Variants in INPP5B observed in about 807,000 individuals in gnomAD.
INPP5B encodes the protein inositol polyphosphate-5-phosphatase B.
In INPP5B, 90 loss-of-function variants were observed where a neutral mutation model predicts 118.5. The observed-to-expected ratio is 0.76, with a 90% confidence interval of 0.64 to 0.90. The LOEUF is 0.90. INPP5B is among the 40% of genes least tolerant of loss of function. The pLI, the probability that INPP5B is intolerant of heterozygous loss-of-function variation, is 0.00. For missense variants in INPP5B, 984 were observed against 1,125.6 expected (o/e 0.87, Z 1.80); for synonymous variants, 385 against 418.9 (o/e 0.92, Z 0.99).
intron 8 of INPP5B, among the ~76,000 whole-genome samples, chr1:37,891,020 A>G (rs1383983900): frequency 6.6e-6 from 1 of 152,106 alleles, no homozygotes; most frequent in East Asian, 1.9e-4. Flanking sequence ...TGAGGTCACA[A>G]GTTCGAGACC....
intron 23 of INPP5B, among the ~76,000 whole-genome samples, chr1:37,863,098 G>C (rs1641798256): frequency 6.6e-6 from 1 of 152,158 alleles, no homozygotes; most frequent in Non-Finnish European, 1.5e-5. Context: ...GGGCGTTGGA[G>C]GGTGTGGCCC....
chr1:37,880,146 C>A lies in INPP5B; in HGVS notation c.1480G>T (p.Gly494Cys). 1 of 1,612,062 alleles carries A rather than the reference C, an allele frequency of 6.2e-7. No homozygotes were observed. Among genetic ancestry groups the A allele is most frequent in the Non-Finnish European group, 8.5e-7 (1 of 1,178,564 alleles). ...TAAGTAGGCTGGAATGTGAGCTCACCCTCTGTGAAGCCTTCAAAGACAGTC... is the reference window on the plus strand; with the variant it reads ...TAAGTAGGCTGGAATGTGAGCTCACACTCTGTGAAGCCTTCAAAGACAGTC... ...AKTVFEGFTEGELTFQPTYKY... is the reference protein window; with the variant it reads ...AKTVFEGFTECELTFQPTYKY... Residue 494 changes from glycine to cysteine, a missense_variant, in exon 15 of 24, where the codon GGT becomes TGT. Gly to Cys is a radical substitution (Grantham distance 159). This residue lies in a region of INPP5B where 634 missense variants were observed against 791.0 expected (regional missense o/e 0.80). Coordinates refer to ENST00000373024, the MANE Select transcript of INPP5B (RefSeq NM_005540.3).
At chr1:37,936,249 C>A (rs2148676529) in intron 6 of INPP5B, among the ~76,000 whole-genome samples, 1 of 152,222 alleles carries the variant, frequency 6.6e-6, no homozygotes, top group East Asian at 1.9e-4. Flanking sequence ...CCTGCCCTTC[C>A]CTCCGACTGC....
At chr1:37,918,313 T>C (rs977530640) in intron 7 of INPP5B, among the ~76,000 whole-genome samples, 15 of 152,354 alleles carry the variant, frequency 9.8e-5, no homozygotes, top group Middle Eastern at 6.8e-3. Flanking sequence ...ACTGGTTCAA[T>C]TGGCATCTGA....
At chr1:37,885,497 T>C in intron 13 of INPP5B, 141 bp downstream of exon 13, 1 of 611,208 alleles carries the variant, frequency 1.6e-6, no homozygotes, top group Non-Finnish European at 2.9e-6. Context: ...TCAAGAGATA[T>C]AATCCATGTA....
At chr1:37,922,703 TAAATA>T (rs917843709) in intron 7 of INPP5B, among the ~76,000 whole-genome samples, 5 of 151,924 alleles carry the variant, frequency 3.3e-5, no homozygotes, top group African/African-American at 1.2e-4. Flanking sequence ...CTCAAAAAAA[TAAATA>T]AAATAAAATA....
chr1:37,872,304 A>G (rs1168222527), intron 19 of INPP5B, among the ~76,000 whole-genome samples: 1 of 142,104 alleles, frequency 7.0e-6, no homozygotes, highest in Non-Finnish European at 1.5e-5. Flanking sequence ...CGGGAGGCAG[A>G]GGTTACGGTG....
At chr1:37,929,756 T>G (rs1285728719) in intron 7 of INPP5B, 3 of 152,004 alleles carry the variant, frequency 2.0e-5, no homozygotes, top group Non-Finnish European at 4.4e-5. Context: ...TTTTTCGAGA[T>G]GGAGTCTTGC....
chr1:37,922,425 A>G (rs1381443748), intron 7 of INPP5B, among the ~76,000 whole-genome samples: 1 of 151,912 alleles, frequency 6.6e-6, no homozygotes, highest in African/African-American at 2.4e-5. Context: ...TCAAAAAATG[A>G]AATAAGCCAG....
chr1:37,879,159 C>T (rs565006362), intron 15 of INPP5B, among the ~76,000 whole-genome samples: 98 of 151,880 alleles, frequency 6.5e-4, no homozygotes, highest in African/African-American at 2.2e-3. Flanking sequence ...GTAGTCCCAG[C>T]TACTCGGGAG....
intron 8 of INPP5B, among the ~76,000 whole-genome samples, chr1:37,890,615 C>T (rs150667036): frequency 6.6e-6 from 1 of 152,132 alleles, no homozygotes; most frequent in African/African-American, 2.4e-5. Flanking sequence ...TAATAACACA[C>T]CTCAGGGGCG....
In INPP5B at chr1:37,943,676, G is replaced by C; in HGVS notation, c.251-7C>G. The C allele has an allele frequency of 6.2e-7, 1 of 1,614,010 alleles. No individual in the cohort carries two copies. Among genetic ancestry groups the C allele is most frequent in the Non-Finnish European group, 8.5e-7 (1 of 1,179,976 alleles). On this transcript the variant is annotated splice_region_variant and splice_polypyrimidine_tract_variant and intron_variant, in intron 4 of 23. Transcript: ENST00000373024. ...AGTTCACCATCTGGGGACACTGTGG[G>C]GAGGGAAATGAGAATGCCCTTAGCA...
intron 15 of INPP5B, 122 bp from the exon 16 acceptor site, chr1:37,878,445 T>A: frequency 1.3e-6 from 2 of 1,482,730 alleles, no homozygotes; most frequent in Non-Finnish European, 1.8e-6. Context: ...GGCTAAGTCA[T>A]CTGAGGCAGC....
At chr1:37,914,179 C>T (rs549228133) in intron 7 of INPP5B, among the ~76,000 whole-genome samples, 2 of 152,284 alleles carry the variant, frequency 1.3e-5, no homozygotes, top group South Asian at 4.1e-4. Context: ...TGACATAATC[C>T]ACCCCTTGTT....
intron 8 of INPP5B, among the ~76,000 whole-genome samples, chr1:37,891,011 G>T (rs1643809181): frequency 6.6e-6 from 1 of 152,108 alleles, no homozygotes; most frequent in East Asian, 1.9e-4. Flanking sequence ...AGGATCAGAT[G>T]AGGTCACAAG....
At chr1:37,876,596 A>G (rs1161607467) in intron 16 of INPP5B, among the ~76,000 whole-genome samples, 3 of 137,730 alleles carry the variant, frequency 2.2e-5, no homozygotes, top group African/African-American at 8.1e-5. Context: ...CCGGTGGCTC[A>G]CGCCAGTAAT....
At chr1:37,894,165 T>C (rs1321902528) in intron 7 of INPP5B, among the ~76,000 whole-genome samples, 1 of 152,200 alleles carries the variant, frequency 6.6e-6, no homozygotes, top group East Asian at 1.9e-4. Flanking sequence ...ATGCAAAAAA[T>C]CATTCTTAGC....
Position 37,872,167 on chromosome 1 carries a change from G to A in INPP5B, c.2187+763C>T, listed in dbSNP as rs1475357630. On this transcript the variant is annotated intron_variant, in intron 19 of 23. Coordinates refer to ENST00000373024, the MANE Select transcript of INPP5B (RefSeq NM_005540.3). ...GGATCACCTGAGGTTGGGAGTTCCA[G>A]ACCTGTCTGACCAACGTGGAGAAAC... 2.0e-5 allele frequency among the ~76,000 whole-genome samples: 3 copies of A among 150,592 alleles called. No homozygotes were observed. The East Asian group carries it at 5.9e-4, about 30-fold the overall frequency.
intron 7 of INPP5B, among the ~76,000 whole-genome samples, chr1:37,900,401 C>T (rs554675186): frequency 2.6e-3 from 390 of 149,448 alleles, no homozygotes; most frequent in East Asian, 5.5e-3. Flanking sequence ...ATTACAGGCA[C>T]GTGCCACCAC....
Sources: gnomAD v4.1 joint callset for allele counts (sites outside exome capture counted in the v4.1 genomes callset) on GRCh38, gnomAD v4.1.1 for gene constraint, gnomAD v4.1.1 regional missense constraint, MANE v1.5 for transcripts, NCBI Gene and HGNC (gene_info 2026-07-23, HGNC 2026-07-21) for gene names.